Variants in RPS20 observed in about 807,000 individuals in gnomAD.
The protein encoded by RPS20 is ribosomal protein S20, also known as small ribosomal subunit protein uS10.
RPS20 carries 3 observed loss-of-function variants against 15.3 expected under a neutral mutation model. The observed-to-expected ratio is 0.20, with a 90% CI of 0.09 to 0.51. The LOEUF is 0.51. Ranked by LOEUF, RPS20 falls within the 20% of genes least tolerant of loss-of-function variation. The pLI is 0.96. For synonymous variants in RPS20, 62 were observed against 47.8 expected (o/e 1.30, Z -1.23); for missense variants, 67 against 145.9 (o/e 0.46, Z 2.79).
At chr8:56,069,828 G>A (rs754829246), downstream of RPS20, 10 of 1,471,618 alleles carry the variant, frequency 6.8e-6, no homozygotes, top group South Asian at 7.3e-5. Flanking sequence ...CTGTAGATTC[G>A]ATCAACTGTA....
downstream of RPS20, chr8:56,068,280 A>G (rs920723486): frequency 2.0e-5 from 3 of 152,182 alleles, no homozygotes; most frequent in African/African-American, 7.2e-5. Flanking sequence ...AATATCACAG[A>G]ATGTATAATT....
chr8:56,074,053 C>G lies in RPS20; in HGVS notation c.103+7G>C. Reference sequence around the variant, plus strand: ...CCCCCTCCCCCCCGCATAACGAATGCACTGACCCTTTTCCAAGGATTTTAC... The same window carrying G: ...CCCCCTCCCCCCCGCATAACGAATGGACTGACCCTTTTCCAAGGATTTTAC... On this transcript the variant is annotated splice_region_variant and intron_variant, in intron 2 of 3. Coordinates refer to ENST00000009589, the MANE Select transcript of RPS20 (RefSeq NM_001023.4). 6.2e-7 allele frequency: 1 copy of G among 1,608,232 alleles called. No individual in the cohort carries two copies. Among genetic ancestry groups the G allele is most frequent in the Non-Finnish European group, 8.5e-7 (1 of 1,174,868 alleles).
At chr8:56,073,935 C>A in intron 2 of RPS20, 125 bp downstream of exon 2, 1 of 1,120,478 alleles carries the variant, frequency 8.9e-7, no homozygotes, top group Non-Finnish European at 1.4e-6. Context: ...TTAAGCCACG[C>A]TTTACTTTTT....
At position 56,073,498 on chromosome 8, in the gene RPS20, G is replaced by C. The variant is rs904149211; in HGVS notation, c.177+197C>G. 30 of 644,524 alleles carry C rather than the reference G, an allele frequency of 4.7e-5. 1 individual carries two copies. The South Asian group carries it at 5.3e-4, about 11-fold the overall frequency. The allele number at this position is 644,524 out of a possible 1,614,324, so 39.9% of individuals were successfully genotyped here. Reference sequence around the variant, plus strand: ...CCTGTTAAGCACCAAAGCACACCAAGAACACAGCAACAATAATTCAACAAT... The same window carrying C: ...CCTGTTAAGCACCAAAGCACACCAACAACACAGCAACAATAATTCAACAAT... On this transcript the variant is annotated intron_variant, in intron 3 of 3. Coordinates refer to ENST00000009589, the MANE Select transcript of RPS20 (RefSeq NM_001023.4).
At chr8:56,073,801 G>T in intron 2 of RPS20, 33 bp from the exon 3 acceptor site, 1 of 1,597,788 alleles carries the variant, frequency 6.3e-7, no homozygotes, top group African/African-American at 1.3e-5. Flanking sequence ...CAGTATAATC[G>T]AAACAATTAA....
chr8:56,072,404 TAA>T (rs1563347217), downstream of RPS20, among the ~76,000 whole-genome samples: 1 of 151,450 alleles, frequency 6.6e-6, no homozygotes, highest in Admixed American at 6.6e-5. Context: ...AATAAAAAAT[TAA>T]CCAGGCTTGG....
At chr8:56,071,105 A>C (rs1809741573), downstream of RPS20, among the ~76,000 whole-genome samples, 1 of 152,244 alleles carries the variant, frequency 6.6e-6, no homozygotes, top group African/African-American at 2.4e-5. Flanking sequence ...AATTACGTAT[A>C]GCTTTAATCC....
At chr8:56,073,333 T>G in intron 3 of RPS20, 61 bp from the exon 4 acceptor site, 1 of 1,042,058 alleles carries the variant, frequency 9.6e-7, no homozygotes, top group Admixed American at 1.9e-5. Flanking sequence ...CTAGAACATC[T>G]GGAAAATCAT....
intron 3 of RPS20, 48 bp downstream of exon 3, chr8:56,073,647 C>A (rs1333982683): frequency 6.7e-7 from 1 of 1,497,884 alleles, no homozygotes; most frequent in Admixed American, 1.7e-5. Context: ...TGAATTTATG[C>A]AACATCCGGA....
At position 56,074,272 on chromosome 8, in the gene RPS20, C is replaced by T. The variant is rs750549579; in HGVS notation, c.3+109G>A. On this transcript the variant is annotated intron_variant, in intron 1 of 3. Coordinates refer to ENST00000009589, the MANE Select transcript of RPS20 (RefSeq NM_001023.4). ...TCCCCACCATTTCAGGAGCGCCTTT[C>T]CGCCCCTACACGCCCCGGCATCTGC... is the stretch of plus-strand genomic sequence containing the variant. 13 of 1,531,766 alleles carry T rather than the reference C, an allele frequency of 8.5e-6. No homozygotes were observed. The African/African-American group carries it at 1.1e-4, about 13-fold the overall frequency. The allele number at this position is 1,531,766 out of a possible 1,614,324, so 94.9% of individuals were successfully genotyped here.
downstream of RPS20, among the ~76,000 whole-genome samples, chr8:56,071,577 C>T (rs544728260): frequency 6.6e-6 from 1 of 152,252 alleles, no homozygotes; most frequent in African/African-American, 2.4e-5. Context: ...GGGGTGACTC[C>T]AGTTTGAACT....
In RPS20 at chr8:56,073,730, G is replaced by A; in HGVS notation, c.142C>T (p.Leu48Phe). 1 of 1,614,038 alleles carries A rather than the reference G, an allele frequency of 6.2e-7. No homozygotes were observed. The highest frequency in any genetic ancestry group is 8.5e-7 in the Non-Finnish European group (1 of 1,179,934). Residue 48 changes from leucine (L) to phenylalanine (F), a missense_variant, in exon 3 of 4, where the codon CTC becomes TTC. Physicochemically the swap from Leu to Phe is conservative, Grantham distance 22. Coordinates refer to ENST00000009589, the MANE Select transcript of RPS20 (RefSeq NM_001023.4). ...DLIRGAKEKN[L>F]KVKGPVRMPT... ...ATTCGAACTGGTCCTTTCACTTTGA[G>A]ATTCTTTTCTTTTGCGCCTCTTATC...
At chr8:56,067,859 G>T (rs1809653375) in exon 6 of RPS20, 1 of 152,132 alleles carries the variant, frequency 6.6e-6, no homozygotes, top group Non-Finnish European at 1.5e-5. Context: ...GGTTGCCAAT[G>T]GTTCAGGGTG....
downstream of RPS20, chr8:56,069,932 A>G: frequency 2.8e-6 from 2 of 707,522 alleles, no homozygotes; most frequent in Admixed American, 2.0e-5. Context: ...ATAACTACTT[A>G]CATACCATTT....
chr8:56,074,231 G>A (rs541912858), intron 1 of RPS20, 72 bp from the exon 2 acceptor site: 10 of 1,537,722 alleles, frequency 6.5e-6, no homozygotes, highest in Admixed American at 5.0e-5. Context: ...GGCAGCTTCC[G>A]GAAGCTTCCC....
chr8:56,069,941 T>G, downstream of RPS20: 1 of 695,786 alleles, frequency 1.4e-6, no homozygotes, highest in Non-Finnish European at 2.6e-6. Context: ...TACATACCAT[T>G]TACATTGTAT....
intron 1 of RPS20, 62 bp downstream of exon 1, chr8:56,074,319 A>G (rs896403299): frequency 6.5e-7 from 1 of 1,546,686 alleles, no homozygotes; most frequent in Non-Finnish European, 8.7e-7. Context: ...CGAACTCGAA[A>G]CCGGGGTCCC....
chr8:56,072,183 C>T (rs953925548), downstream of RPS20, among the ~76,000 whole-genome samples: 1 of 152,212 alleles, frequency 6.6e-6, no homozygotes, highest in African/African-American at 2.4e-5. Flanking sequence ...GCAGTGATCA[C>T]ACCACTGCAC....
chr8:56,069,875 C>A (rs1284807117), downstream of RPS20: 1 of 901,234 alleles, frequency 1.1e-6, no homozygotes, highest in South Asian at 1.4e-5. Flanking sequence ...GTCTCTACTG[C>A]ACATGTATAG....
Sources: gnomAD v4.1 joint callset for allele counts (sites outside exome capture counted in the v4.1 genomes callset) on GRCh38, gnomAD v4.1.1 for gene constraint, MANE v1.5 for transcripts, NCBI Gene and HGNC (gene_info 2026-07-23, HGNC 2026-07-21) for gene names.